Variants in PTPRM observed in about 807,000 individuals in gnomAD.
PTPRM encodes the protein receptor-type tyrosine-protein phosphatase mu.
A neutral mutation model predicts 186.7 loss-of-function variants in PTPRM; 47 were observed. The ratio of observed to expected loss-of-function variants is 0.25; its 90% CI spans 0.20 to 0.32. The LOEUF (loss-of-function observed/expected upper bound fraction) is 0.32, where lower values mean the gene tolerates loss of function less well. PTPRM is among the 10% of genes least tolerant of loss of function. PTPRM has a pLI of 1.00. For synonymous variants in PTPRM, 668 were observed against 674.9 expected (o/e 0.99, Z 0.16); for missense variants, 1,494 against 1,865.0 (o/e 0.80, Z 3.66).
intron 7 of PTPRM, among the ~76,000 whole-genome samples, chr18:8,004,701 A>G (rs1349723892): frequency 6.6e-6 from 1 of 152,100 alleles, no homozygotes; most frequent in African/African-American, 2.4e-5. Context: ...AAACACAATT[A>G]CTTTTGCACC....
At chr18:7,920,132 T>G (rs1016711782) in intron 4 of PTPRM, among the ~76,000 whole-genome samples, 3 of 152,106 alleles carry the variant, frequency 2.0e-5, no homozygotes, top group Non-Finnish European at 4.4e-5. Context: ...GTGTCTTGGT[T>G]TTTTATATGT....
intron 13 of PTPRM, among the ~76,000 whole-genome samples, chr18:8,123,476 G>T (rs140632276): frequency 7.1e-4 from 108 of 152,266 alleles, no homozygotes; most frequent in African/African-American, 2.5e-3. Context: ...ATAAGGTAAA[G>T]AAATGTAAAA....
intron 23 of PTPRM, among the ~76,000 whole-genome samples, chr18:8,360,405 A>AC (rs397781744): frequency 0.013 from 2,003 of 151,460 alleles, 39 homozygotes; most frequent in African/African-American, 0.045. Flanking sequence ...TGCAAAAAAA[A>AC]CCCTTCATAC....
chr18:8,025,688 A>G (rs1443997190), intron 7 of PTPRM, among the ~76,000 whole-genome samples: 1 of 152,234 alleles, frequency 6.6e-6, no homozygotes, highest in Non-Finnish European at 1.5e-5. Flanking sequence ...TTTGTTTAGA[A>G]AAATATCTTG....
chr18:7,990,460 A>G (rs528027025), intron 7 of PTPRM, among the ~76,000 whole-genome samples: 8 of 152,340 alleles, frequency 5.3e-5, no homozygotes, highest in African/African-American at 1.9e-4. Context: ...TGTGTACTAA[A>G]TGGTTTCAAT....
intron 7 of PTPRM, among the ~76,000 whole-genome samples, chr18:8,058,768 T>A (rs2088225299): frequency 1.8e-5 from 1 of 55,158 alleles, no homozygotes; most frequent in Non-Finnish European, 3.7e-5. Flanking sequence ...TAGTTGTAGG[T>A]ATGCAGCGTT....
At position 7,686,749 on chromosome 18, in the gene PTPRM, C is replaced by T. The variant is rs189719423; in HGVS notation, c.74-87400C>T. 4.7e-4 allele frequency among the ~76,000 whole-genome samples: 72 copies of T among 152,156 alleles called. 1 individual carries two copies. The highest frequency in any genetic ancestry group is 4.4e-4 in the Non-Finnish European group (30 of 67,986). ...ACATTTGTGTCTAACATGAAAAAAACCTCTGTATCTAACAGTTTATGGGTA... is the reference window on the plus strand; with the variant it reads ...ACATTTGTGTCTAACATGAAAAAAATCTCTGTATCTAACAGTTTATGGGTA... On this transcript the variant is annotated intron_variant, in intron 1 of 32. Coordinates refer to ENST00000580170, the MANE Select transcript of PTPRM (RefSeq NM_001105244.2).
chr18:8,021,012 A>G (rs1184848011), intron 7 of PTPRM, among the ~76,000 whole-genome samples: 1 of 152,138 alleles, frequency 6.6e-6, no homozygotes, highest in Non-Finnish European at 1.5e-5. Context: ...GGTTGTAACT[A>G]CAAAAACTCT....
At chr18:8,017,924 A>G (rs1798729600) in intron 7 of PTPRM, 1 of 152,190 alleles carries the variant, frequency 6.6e-6, no homozygotes, top group Admixed American at 6.6e-5. Flanking sequence ...CAAGGAGCTT[A>G]CAGCCTTAAA....
In PTPRM at chr18:8,379,061, C is replaced by T. The variant is rs1598508862; in HGVS notation, c.3613-106C>T. Reference sequence around the variant, plus strand: ...GGTTGGGGAGGGAGGGGGAAGGGACCGTCTTGCAGTCAGCCACAGGAAGTT... The same window carrying T: ...GGTTGGGGAGGGAGGGGGAAGGGACTGTCTTGCAGTCAGCCACAGGAAGTT... On this transcript the variant is annotated intron_variant, in intron 27 of 32. Transcript: ENST00000580170. 4.6e-6 allele frequency: 4 copies of T among 871,438 alleles called. No individual in the cohort carries two copies. In the South Asian group the frequency reaches 8.5e-5, roughly 18 times the overall value. 54.0% of individuals were successfully genotyped at this position (871,438 alleles called of 1,614,324 possible).
intron 11 of PTPRM, among the ~76,000 whole-genome samples, chr18:8,112,891 G>T (rs1482187915): frequency 2.6e-5 from 4 of 152,094 alleles, no homozygotes; most frequent in Non-Finnish European, 4.4e-5. Flanking sequence ...CAAGGCTTTG[G>T]CTTTTGAAAC....
At chr18:8,208,490 C>T (rs2093959014) in intron 14 of PTPRM, among the ~76,000 whole-genome samples, 2 of 150,880 alleles carry the variant, frequency 1.3e-5, no homozygotes, top group Admixed American at 6.6e-5. Flanking sequence ...GTAAGTGAGA[C>T]TTGTAAGTAG....
intron 14 of PTPRM, among the ~76,000 whole-genome samples, chr18:8,162,302 T>A (rs551611890): frequency 6.6e-6 from 1 of 152,296 alleles, no homozygotes; most frequent in East Asian, 1.9e-4. Flanking sequence ...GGTTTCACCA[T>A]GTTAGCCAGG....
At chr18:8,011,689 A>T (rs1294853964) in intron 7 of PTPRM, among the ~76,000 whole-genome samples, 1 of 152,196 alleles carries the variant, frequency 6.6e-6, no homozygotes, top group Non-Finnish European at 1.5e-5. Context: ...TGCAGCTATT[A>T]GGAAATAACT....
At position 8,199,211 on chromosome 18, in the gene PTPRM, G is replaced by A. The variant is rs190956431; in HGVS notation, c.2301-44847G>A. ...AGTTATTTCAGCCTTACCACATGCA[G>A]TGAAGGAGACACTAGTATTATCCTT... is the stretch of plus-strand genomic sequence containing the variant. On this transcript the variant is annotated intron_variant, in intron 14 of 32. Coordinates refer to ENST00000580170, the MANE Select transcript of PTPRM (RefSeq NM_001105244.2). 3.7e-3 allele frequency among the ~76,000 whole-genome samples: 571 copies of A among 152,274 alleles called. 13 individuals are homozygous for A. Among genetic ancestry groups the A allele is most frequent in the East Asian group, 1.9e-3 (10 of 5,188 alleles).
chr18:7,972,734 A>T (rs2054645116), intron 7 of PTPRM, among the ~76,000 whole-genome samples: 1 of 152,110 alleles, frequency 6.6e-6, no homozygotes, highest in Non-Finnish European at 1.5e-5. Flanking sequence ...AAATCACTGA[A>T]GTCATAGATG....
intron 2 of PTPRM, among the ~76,000 whole-genome samples, chr18:7,785,616 A>G (rs1183635660): frequency 6.6e-6 from 1 of 152,236 alleles, no homozygotes; most frequent in Admixed American, 6.5e-5. Context: ...ACTTCGTGTC[A>G]TGCCAACACA....
At chr18:7,580,607 T>G (rs1051423579) in intron 1 of PTPRM, among the ~76,000 whole-genome samples, 15 of 152,186 alleles carry the variant, frequency 9.9e-5, no homozygotes, top group African/African-American at 3.4e-4. Context: ...TATTGAGCAC[T>G]AAGTATGTGC....
chr18:8,005,163 G>T (rs1453542281), intron 7 of PTPRM, among the ~76,000 whole-genome samples: 1 of 152,168 alleles, frequency 6.6e-6, no homozygotes, highest in East Asian at 1.9e-4. Flanking sequence ...ATACTCAAAG[G>T]CAGGGCAACG....
Sources: allele counts gnomAD v4.1 joint callset (sites outside exome capture counted in the v4.1 genomes callset), GRCh38; gene constraint gnomAD v4.1.1; transcripts MANE v1.5; gene names NCBI Gene and HGNC (gene_info 2026-07-23, HGNC 2026-07-21).